Variants in ADSS2 observed in about 807,000 individuals in gnomAD.
ADSS2 encodes adenylosuccinate synthase 2.
ADSS2 carries 30 observed loss-of-function variants against 60.0 expected under a neutral mutation model. The observed-to-expected ratio is 0.50, with a 90% CI of 0.37 to 0.68. The LOEUF (loss-of-function observed/expected upper bound fraction) is 0.68. Ranked by LOEUF, ADSS2 falls within the 30% of genes least tolerant of loss-of-function variation. The probability of loss-of-function intolerance (pLI) is 0.00; values close to 1 mark genes in which losing one functional copy is unlikely to be tolerated. For missense variants in ADSS2, 373 were observed against 554.8 expected (o/e 0.67, Z 3.29); for synonymous variants, 187 against 193.1 (o/e 0.97, Z 0.26).
intron 6 of ADSS2, 48 bp downstream of exon 6, chr1:244,423,905 A>G: frequency 6.7e-7 from 1 of 1,499,678 alleles, no homozygotes; most frequent in Non-Finnish European, 9.1e-7. Flanking sequence ...TTTAAAAAAA[A>G]TCAAAAAATG....
chr1:244,425,322 C>T (rs1664779731), intron 4 of ADSS2, among the ~76,000 whole-genome samples: 1 of 152,172 alleles, frequency 6.6e-6, no homozygotes, highest in Non-Finnish European at 1.5e-5. Context: ...CCACAAAATT[C>T]ATCCATTTAA....
chr1:244,434,143 G>A (rs1391013809), intron 3 of ADSS2, among the ~76,000 whole-genome samples: 1 of 141,876 alleles, frequency 7.0e-6, no homozygotes, highest in Non-Finnish European at 1.5e-5. Flanking sequence ...TGGAGTTTGA[G>A]ACCAGCCTGG....
chr1:244,428,223 T>C (rs1297815221), intron 4 of ADSS2, among the ~76,000 whole-genome samples: 1 of 152,146 alleles, frequency 6.6e-6, no homozygotes, highest in African/African-American at 2.4e-5. Context: ...TCCTGAGCCA[T>C]AAAAGAAGTC....
intron 8 of ADSS2, 119 bp downstream of exon 8, chr1:244,420,051 C>A: frequency 1.9e-6 from 2 of 1,073,528 alleles, no homozygotes; most frequent in Non-Finnish European, 2.6e-6. Flanking sequence ...TTCATCATTC[C>A]TGAATATACA....
rs527523611 is a variant in ADSS2, at chr1:244,451,206, G to C, written c.183+429C>G. Among the ~76,000 whole-genome samples, 28 of 152,228 alleles carry C rather than the reference G, an allele frequency of 1.8e-4. 1 individual carries two copies. The South Asian group carries it at 5.4e-3, about 29-fold the overall frequency. ...GCCCTGGGCGGGGCGGGGGGGCGGT[G>C]ATGGGGGGTTCTGCCGTCGCGCCGG... On this transcript the variant is annotated intron_variant, in intron 1 of 12. Transcript: ENST00000366535. The surrounding 1 kb of genome is among the most constrained non-coding windows in gnomAD (Gnocchi z 6.6).
intron 2 of ADSS2, among the ~76,000 whole-genome samples, 182 bp downstream of exon 2, chr1:244,437,484 A>C (rs889074547): frequency 1.6e-4 from 25 of 152,060 alleles, no homozygotes; most frequent in African/African-American, 5.6e-4. Context: ...TACTGTTAAA[A>C]GATCTTACAG....
intron 4 of ADSS2, among the ~76,000 whole-genome samples, chr1:244,429,060 C>T (rs1457172185): frequency 6.6e-6 from 1 of 152,176 alleles, no homozygotes; most frequent in South Asian, 2.1e-4. Flanking sequence ...AAAAACAGTA[C>T]ATCTTGACCA....
intron 1 of ADSS2, among the ~76,000 whole-genome samples, chr1:244,449,693 C>T (rs1339435359): frequency 2.0e-5 from 3 of 152,178 alleles, no homozygotes; most frequent in Non-Finnish European, 4.4e-5. Flanking sequence ...TTAAAAAGCA[C>T]TAAAAGAACA....
At chr1:244,423,429 T>C (rs186358203) in intron 6 of ADSS2, among the ~76,000 whole-genome samples, 44 of 152,342 alleles carry the variant, frequency 2.9e-4, no homozygotes, top group Non-Finnish European at 5.1e-4. Context: ...CTCCCTATCA[T>C]TGAGTCACTG....
chr1:244,428,183 G>A (rs1664850708), intron 4 of ADSS2, among the ~76,000 whole-genome samples: 2 of 152,110 alleles, frequency 1.3e-5, no homozygotes, highest in South Asian at 2.1e-4. Context: ...CTTTCTAAGT[G>A]CATGAAGACA....
chr1:244,449,402 T>C (rs1323509295), intron 1 of ADSS2, among the ~76,000 whole-genome samples: 1 of 152,132 alleles, frequency 6.6e-6, no homozygotes, highest in African/African-American at 2.4e-5. Context: ...AAAGGACATA[T>C]TTTCACTAAC....
Position 244,409,354 on chromosome 1 carries a change from G to T in ADSS2, c.*232C>A, listed in dbSNP as rs1222989578. On this transcript the variant is annotated 3_prime_UTR_variant, in exon 13 of 13. Transcript: ENST00000366535. ...TGAAAAAAAAAACGTGGCACCATGA[G>T]AGCAGCAGGAGCAACAAATGATTTG... 1 of 405,830 alleles carries T rather than the reference G, an allele frequency of 2.5e-6. No individual in the cohort carries two copies. The highest frequency in any genetic ancestry group is 4.4e-6 in the Non-Finnish European group (1 of 228,764). 25.1% of individuals were successfully genotyped at this position (405,830 alleles called of 1,614,324 possible).
At chr1:244,416,847 C>G (rs1210655277) in intron 10 of ADSS2, among the ~76,000 whole-genome samples, 4 of 152,156 alleles carry the variant, frequency 2.6e-5, no homozygotes, top group Admixed American at 2.0e-4. Context: ...AAAACCACAT[C>G]AAGGACCTCT....
intron 1 of ADSS2, among the ~76,000 whole-genome samples, chr1:244,449,161 G>A (rs560213695): frequency 2.0e-5 from 3 of 152,212 alleles, no homozygotes; most frequent in East Asian, 1.9e-4. Flanking sequence ...GAGTGAAAAC[G>A]CCACTAGGTT....
chr1:244,449,146 G>A (rs1665470135), intron 1 of ADSS2, among the ~76,000 whole-genome samples: 1 of 152,166 alleles, frequency 6.6e-6, no homozygotes, highest in Non-Finnish European at 1.5e-5. Context: ...CTTAAGCGCT[G>A]TTAAGAGTGA....
intron 11 of ADSS2, among the ~76,000 whole-genome samples, chr1:244,412,004 C>T (rs143096606): frequency 6.6e-6 from 1 of 152,186 alleles, no homozygotes; most frequent in Non-Finnish European, 1.5e-5. Context: ...TCTCTCAAGA[C>T]TGAGAGCTGT....
intron 3 of ADSS2, among the ~76,000 whole-genome samples, chr1:244,436,165 T>G (rs1048486317): frequency 1.3e-5 from 2 of 152,224 alleles, no homozygotes. Flanking sequence ...CATGTCTGTG[T>G]TCAAAAAGTT....
chr1:244,427,702 A>T (rs891076510), intron 4 of ADSS2, among the ~76,000 whole-genome samples: 2 of 152,202 alleles, frequency 1.3e-5, no homozygotes, highest in African/African-American at 4.8e-5. Context: ...TATCAGAATA[A>T]GGAATATTAC....
chr1:244,439,510 T>C (rs766393480), intron 1 of ADSS2, among the ~76,000 whole-genome samples: 44 of 152,148 alleles, frequency 2.9e-4, no homozygotes, highest in Non-Finnish European at 5.9e-4. Flanking sequence ...GCCCCTACTG[T>C]GGCTGGGATC....
Sources: gnomAD v4.1 joint callset for allele counts (sites outside exome capture counted in the v4.1 genomes callset) on GRCh38, gnomAD v4.1.1 for gene constraint, Gnocchi (gnomAD v3.1) non-coding constraint, MANE v1.5 for transcripts, NCBI Gene and HGNC (gene_info 2026-07-23, HGNC 2026-07-21) for gene names.